TSEN2: variants seen among roughly 807,000 people sequenced by gnomAD.
TSEN2 encodes tRNA splicing endonuclease subunit 2, also known as tRNA-splicing endonuclease subunit Sen2.
A neutral mutation model predicts 59.2 loss-of-function variants in TSEN2; 54 were observed. The observed-to-expected ratio is 0.91, with a 90% CI of 0.73 to 1.14. The LOEUF is 1.14. Among genes scored for constraint, TSEN2 ranks in the 50% most tolerant of loss-of-function variants. The pLI, the probability that TSEN2 is intolerant of heterozygous loss-of-function variation, is 0.00. For synonymous variants in TSEN2, 195 were observed against 198.2 expected (o/e 0.98, Z 0.14); for missense variants, 636 against 576.2 (o/e 1.10, Z -1.06).
At chr3:12,523,523 A>ATTTTTTTTTTTTTTTTT (rs1386382924) in intron 8 of TSEN2, among the ~76,000 whole-genome samples, 20 of 51,018 alleles carry the variant, frequency 3.9e-4, no homozygotes, top group Non-Finnish European at 6.0e-4. Flanking sequence ...TTCCTCTTTG[A>ATTTTTTTTTTTTTTTTT]TTCTTTTTTT....
chr3:12,503,707 G>C lies in TSEN2; in HGVS notation c.754G>C (p.Gly252Arg), dbSNP rs2054532424. The change falls in exon 5 of 12, where the codon GGG (glycine) becomes CGG (arginine). Residue 252 changes from glycine to arginine, a missense_variant. Transcript: ENST00000284995. ...HIGLLHPGDR[G>R]PDHEYVLVEE... Reference sequence around the variant, plus strand: ...CGGCCTCCTGCATCCTGGGGACAGAGGGCCTGACCATGAGTACGTGCTGGT... The same window carrying C: ...CGGCCTCCTGCATCCTGGGGACAGACGGCCTGACCATGAGTACGTGCTGGT... 1.2e-6 allele frequency: 2 copies of C among 1,613,694 alleles called. No individual in the cohort carries two copies. Among genetic ancestry groups the C allele is most frequent in the Admixed American group, 3.3e-5 (2 of 59,920 alleles).
At chr3:12,530,009 T>C (rs998979744) in intron 10 of TSEN2, 136 bp downstream of exon 10, 34 of 1,488,132 alleles carry the variant, frequency 2.3e-5, no homozygotes, top group Non-Finnish European at 2.8e-5. Context: ...GCTGGAAGAT[T>C]TGGGGTCATT....
At chr3:12,534,803 C>CA (rs34727253), downstream of TSEN2, among the ~76,000 whole-genome samples, 2,008 of 68,642 alleles carry the variant, frequency 0.029, 35 homozygotes, top group Admixed American at 0.052. Context: ...GACTCTGTCT[C>CA]AAAAAAAAAA....
intron 3 of TSEN2, among the ~76,000 whole-genome samples, chr3:12,493,980 C>T (rs2053491386): frequency 6.6e-6 from 1 of 152,068 alleles, no homozygotes; most frequent in African/African-American, 2.4e-5. Context: ...GGTCTTTGGT[C>T]CATTTTGTGT....
chr3:12,512,020 C>CA (rs986553153), intron 6 of TSEN2, among the ~76,000 whole-genome samples: 2 of 152,158 alleles, frequency 1.3e-5, no homozygotes, highest in Non-Finnish European at 2.9e-5. Context: ...TGCACTATAA[C>CA]ACACAATAGA....
At chr3:12,512,286 A>G (rs940691466) in intron 6 of TSEN2, among the ~76,000 whole-genome samples, 1 of 152,246 alleles carries the variant, frequency 6.6e-6, no homozygotes, top group African/African-American at 2.4e-5. Context: ...ATGGACTTCA[A>G]TGCAATGTTT....
intron 10 of TSEN2, chr3:12,530,248 A>C (rs1328927977): frequency 3.0e-6 from 3 of 1,016,434 alleles, no homozygotes; most frequent in Non-Finnish European, 3.5e-6. Context: ...GAGTCAAAAC[A>C]TTGAAAGTTT....
downstream of TSEN2, among the ~76,000 whole-genome samples, chr3:12,536,255 T>A (rs1307215450): frequency 6.6e-6 from 1 of 151,872 alleles, no homozygotes; most frequent in Non-Finnish European, 1.5e-5. Context: ...CATTGTGGGG[T>A]TTTGTTTTGT....
At chr3:12,523,424 C>G (rs1306400479) in intron 8 of TSEN2, among the ~76,000 whole-genome samples, 1 of 151,922 alleles carries the variant, frequency 6.6e-6, no homozygotes, top group Non-Finnish European at 1.5e-5. Context: ...GACGTCCAGC[C>G]CAGAGACTAA....
Position 12,531,615 on chromosome 3 carries a change from A to G in TSEN2, c.1294A>G (p.Lys432Glu). 1 of 1,613,556 alleles carries G rather than the reference A, an allele frequency of 6.2e-7. No individual in the cohort carries two copies. The change falls in exon 11 of 12, where the codon AAG becomes GAG. Residue 432 changes from lysine to glutamate, a missense_variant. Coordinates refer to ENST00000284995, the MANE Select transcript of TSEN2 (RefSeq NM_025265.4). ...YLIKPSTMTD[K>E]EMESPECMKR... is the part of the protein sequence containing the mutation. ...GATTAAACCCTCTACTATGACTGAC[A>G]AGGAAATGGAGTCACCAGAATGTAT...
intron 1 of TSEN2, among the ~76,000 whole-genome samples, chr3:12,487,025 T>C (rs1291693759): frequency 6.6e-6 from 1 of 152,236 alleles, no homozygotes; most frequent in Non-Finnish European, 1.5e-5. Context: ...CATGAACATA[T>C]GTTTTCATTT....
In TSEN2 at chr3:12,499,456, G is replaced by A. The variant is rs1420320240; in HGVS notation, c.308+2902G>A. Among the ~76,000 whole-genome samples the A allele has an allele frequency of 3.3e-5, 5 of 152,346 alleles. No individual in the cohort carries two copies. In the East Asian group the frequency reaches 5.8e-4, roughly 18 times the overall value. ...GCTGTCCTGTAGTAGTCGGTGTTGT[G>A]ATAGAGATACCATCACCATTATAGC... On this transcript the variant is annotated intron_variant, in intron 4 of 11. Coordinates refer to ENST00000284995, the MANE Select transcript of TSEN2 (RefSeq NM_025265.4).
intron 10 of TSEN2, chr3:12,530,078 C>G (rs1575470369): frequency 2.1e-6 from 3 of 1,424,866 alleles, no homozygotes; most frequent in South Asian, 1.6e-5. Flanking sequence ...TTTTATTGTC[C>G]CCTCCCTCCC....
intron 3 of TSEN2, among the ~76,000 whole-genome samples, chr3:12,492,759 T>C (rs889924222): frequency 2.6e-5 from 4 of 152,196 alleles, no homozygotes; most frequent in South Asian, 2.1e-4. Flanking sequence ...TGAGATAACA[T>C]GTCAACAATC....
chr3:12,536,960 C>T (rs1559375587), downstream of TSEN2, among the ~76,000 whole-genome samples: 1 of 150,662 alleles, frequency 6.6e-6, no homozygotes, highest in Non-Finnish European at 1.5e-5. Flanking sequence ...GCTGAGAGCA[C>T]GTCACTGCAC....
rs1178258986 is a variant in TSEN2, at chr3:12,484,744, G to T, written c.-154G>T. The T allele has an allele frequency of 6.6e-6, 1 of 152,240 alleles. No homozygotes were observed. The highest frequency in any genetic ancestry group is 1.5e-5 in the Non-Finnish European group (1 of 68,068). 9.4% of individuals were successfully genotyped at this position (152,240 alleles called of 1,614,324 possible). On this transcript the variant is annotated 5_prime_UTR_variant, in exon 1 of 12. Coordinates refer to ENST00000284995, the MANE Select transcript of TSEN2 (RefSeq NM_025265.4). ...TTTCCTCGTGCGCCTGCAGCCCTTG[G>T]TTCTTGGAAACGCCGGCGCCTTGTT... is the stretch of plus-strand genomic sequence containing the variant.
At chr3:12,505,093 A>C (rs1365329078) in intron 5 of TSEN2, 61 bp from the exon 6 acceptor site, 1 of 953,318 alleles carries the variant, frequency 1.0e-6, no homozygotes, top group African/African-American at 1.6e-5. Context: ...TTTAAAATAC[A>C]TTCTCTATGA....
At position 12,518,818 on chromosome 3, in the gene TSEN2, A is replaced by G. The variant is rs1699351; in HGVS notation, c.961-241A>G. On this transcript the variant is annotated intron_variant, in intron 7 of 11. Coordinates refer to ENST00000284995, the MANE Select transcript of TSEN2 (RefSeq NM_025265.4). ...CAGCTGCCCCACTGGACAGGGCAGG[A>G]CCAGACCTTCTTGCTAAATTGCTCT... is the stretch of plus-strand genomic sequence containing the variant. Among the ~76,000 whole-genome samples the G allele has an allele frequency of 0.64, 97,280 of 151,604 alleles. 33,822 individuals carry two copies. The highest frequency in any genetic ancestry group is 0.91 in the African/African-American group (37,593 of 41,372).
At position 12,503,618 on chromosome 3, in the gene TSEN2, G is replaced by A. The variant is rs780778021; in HGVS notation, c.665G>A (p.Cys222Tyr). The change falls in exon 5 of 12, where the codon TGC becomes TAC. Residue 222 changes from cysteine (C) to tyrosine (Y), a missense_variant. Physicochemically the swap from Cys to Tyr is radical, Grantham distance 194. Coordinates refer to ENST00000284995, the MANE Select transcript of TSEN2 (RefSeq NM_025265.4). ...EDASPLPHVC[C>Y]CKQDALILQR... ...GCCTCACCTCTGCCCCATGTCTGTT[G>A]CTGCAAACAAGATGCTCTCATCCTC... The A allele has an allele frequency of 2.5e-6, 4 of 1,594,506 alleles. No individual in the cohort carries two copies. Among genetic ancestry groups the A allele is most frequent in the African/African-American group, 1.3e-5 (1 of 74,430 alleles).
Sources: gnomAD v4.1 joint callset for allele counts (sites outside exome capture counted in the v4.1 genomes callset) on GRCh38, gnomAD v4.1.1 for gene constraint, MANE v1.5 for transcripts, NCBI Gene and HGNC (gene_info 2026-07-23, HGNC 2026-07-21) for gene names.